The following SHISA6 variants were observed in gnomAD, a reference collection of about 807,000 sequenced individuals.
The protein encoded by SHISA6 is shisa family member 6.
In SHISA6, 22 loss-of-function variants were observed where a neutral mutation model predicts 47.9. The ratio of observed to expected loss-of-function variants is 0.46; its 90% confidence interval spans 0.33 to 0.66. The LOEUF (loss-of-function observed/expected upper bound fraction) is 0.66, where lower values mean the gene tolerates loss of function less well. SHISA6 is among the 30% of genes least tolerant of loss of function. SHISA6 has a pLI of 0.02. For missense variants in SHISA6, 680 were observed against 764.6 expected, an observed-to-expected ratio of 0.89 and a Z score of 1.30; for synonymous variants, 388 against 337.8, an observed-to-expected ratio of 1.15 and a Z score of -1.63.
chr17:11,292,669 C>A (rs766639221), intron 2 of SHISA6, among the ~76,000 whole-genome samples: 4 of 151,640 alleles, frequency 2.6e-5, no homozygotes, highest in African/African-American at 4.8e-5. Flanking sequence ...GTTTGAGGAA[C>A]CGGAGACCAG....
intron 3 of SHISA6, among the ~76,000 whole-genome samples, chr17:11,489,545 AT>A (rs1424150362): frequency 1.3e-5 from 2 of 152,142 alleles, no homozygotes; most frequent in Non-Finnish European, 2.9e-5. Context: ...CAACTGCCCC[AT>A]TTGCAGAATG....
chr17:11,475,564 T>G (rs557494526), intron 3 of SHISA6, among the ~76,000 whole-genome samples: 1 of 152,254 alleles, frequency 6.6e-6, no homozygotes, highest in South Asian at 2.1e-4. Flanking sequence ...TTTAGCCTGT[T>G]GATGTGATGG....
intron 3 of SHISA6, among the ~76,000 whole-genome samples, chr17:11,478,686 C>T (rs1916134704): frequency 1.1e-5 from 1 of 88,068 alleles, no homozygotes; most frequent in East Asian, 3.0e-4. Flanking sequence ...GAATCCTTTC[C>T]CCATTGCTTG....
At chr17:11,242,150 C>G in intron 1 of SHISA6, 90 bp downstream of exon 1, 1 of 1,490,332 alleles carries the variant, frequency 6.7e-7, no homozygotes, top group Non-Finnish European at 9.0e-7. Context: ...TCGGCATCAT[C>G]ACACCTCCCC....
chr17:11,260,459 C>T lies in SHISA6; in HGVS notation c.639-2907C>T, dbSNP rs189544645. ...CTGACAGCCTGTCGTGTCCCGAGTC[C>T]CTCACTTGGCCGTCTCTGTGTCTCT... On this transcript the variant is annotated intron_variant, in intron 1 of 5. Transcript: ENST00000441885. Among the ~76,000 whole-genome samples, 9 of 152,132 alleles carry T rather than the reference C, an allele frequency of 5.9e-5. No homozygotes were observed. In the East Asian group the frequency reaches 1.7e-3, roughly 30 times the overall value.
At chr17:11,414,744 A>G (rs1914229135) in intron 3 of SHISA6, among the ~76,000 whole-genome samples, 1 of 152,206 alleles carries the variant, frequency 6.6e-6, no homozygotes. Context: ...CCACATTGGT[A>G]TTTCAGTGAC....
chr17:11,547,823 T>G (rs1260787939), intron 3 of SHISA6, among the ~76,000 whole-genome samples: 1 of 152,190 alleles, frequency 6.6e-6, no homozygotes, highest in Non-Finnish European at 1.5e-5. Flanking sequence ...CACAGAAGAT[T>G]AAGAAGAAAA....
intron 2 of SHISA6, among the ~76,000 whole-genome samples, chr17:11,269,452 T>C (rs1228803089): frequency 6.6e-6 from 1 of 152,164 alleles, no homozygotes; most frequent in Non-Finnish European, 1.5e-5. Context: ...ATGGCTGGGC[T>C]CAGAGGGACT....
At chr17:11,251,864 T>C (rs1738717959) in intron 1 of SHISA6, among the ~76,000 whole-genome samples, 1 of 152,132 alleles carries the variant, frequency 6.6e-6, no homozygotes, top group Admixed American at 6.5e-5. Context: ...TGTGTTTTAC[T>C]CTCCAGCTCC....
At chr17:11,503,277 C>T (rs557320104) in intron 3 of SHISA6, among the ~76,000 whole-genome samples, 3 of 152,218 alleles carry the variant, frequency 2.0e-5, no homozygotes, top group South Asian at 4.1e-4. Context: ...GCAGAGGTGA[C>T]GTCCTTTGCC....
At chr17:11,432,976 G>T (rs567422003) in intron 3 of SHISA6, among the ~76,000 whole-genome samples, 11 of 152,262 alleles carry the variant, frequency 7.2e-5, no homozygotes, top group Non-Finnish European at 1.5e-4. Context: ...AAATTTGATT[G>T]TGGTAACAGT....
intron 2 of SHISA6, among the ~76,000 whole-genome samples, chr17:11,306,312 AT>A (rs1339133193): frequency 6.6e-6 from 1 of 152,084 alleles, no homozygotes; most frequent in African/African-American, 2.4e-5. Flanking sequence ...AGACCTCCCC[AT>A]ACAGGATGCA....
intron 1 of SHISA6, among the ~76,000 whole-genome samples, chr17:11,253,603 T>C (rs1265047337): frequency 1.3e-5 from 2 of 152,176 alleles, no homozygotes; most frequent in South Asian, 2.1e-4. Context: ...AATTTTTATG[T>C]CTGTTTCGTT....
At chr17:11,253,561 A>G (rs1907895810) in intron 1 of SHISA6, among the ~76,000 whole-genome samples, 1 of 152,148 alleles carries the variant, frequency 6.6e-6, no homozygotes, top group Admixed American at 6.5e-5. Flanking sequence ...CCCGGGAAGC[A>G]GTAAAAATGC....
intron 2 of SHISA6, among the ~76,000 whole-genome samples, chr17:11,370,761 C>T (rs1567586934): frequency 6.6e-6 from 1 of 152,276 alleles, no homozygotes; most frequent in Non-Finnish European, 1.5e-5. Flanking sequence ...TTGAGAATGC[C>T]ACTACTCACC....
intron 2 of SHISA6, among the ~76,000 whole-genome samples, chr17:11,282,032 G>A (rs758883112): frequency 4.6e-5 from 7 of 152,136 alleles, no homozygotes; most frequent in Non-Finnish European, 7.4e-5. Context: ...TGGTCTCTTG[G>A]AAGAAAATCC....
intron 2 of SHISA6, among the ~76,000 whole-genome samples, chr17:11,310,191 G>T (rs1265556797): frequency 6.6e-6 from 1 of 152,088 alleles, no homozygotes; most frequent in Non-Finnish European, 1.5e-5. Context: ...ACTTGAGGAG[G>T]TAAACAAATA....
At chr17:11,457,459 C>T (rs758156756) in intron 3 of SHISA6, among the ~76,000 whole-genome samples, 3 of 152,020 alleles carry the variant, frequency 2.0e-5, no homozygotes, top group Non-Finnish European at 4.4e-5. Flanking sequence ...AGGCCGGGCA[C>T]GGTGGCTCAT....
intron 2 of SHISA6, among the ~76,000 whole-genome samples, chr17:11,355,322 C>T (rs983454909): frequency 6.6e-6 from 1 of 152,228 alleles, no homozygotes; most frequent in Non-Finnish European, 1.5e-5. Context: ...CATGCTACTT[C>T]CTTGAGAATC....
Sources: allele counts gnomAD v4.1 joint callset (sites outside exome capture counted in the v4.1 genomes callset), GRCh38; gene constraint gnomAD v4.1.1; transcripts MANE v1.5; gene names NCBI Gene and HGNC (gene_info 2026-07-23, HGNC 2026-07-21).